The following JDP2 variants were observed in gnomAD, a reference collection of about 807,000 sequenced individuals.
JDP2 encodes the protein Jun dimerization protein 2.
In JDP2, 9 loss-of-function variants were observed where a neutral mutation model predicts 17.1. The ratio of observed to expected loss-of-function variants is 0.53; its 90% CI spans 0.32 to 0.92. The LOEUF (loss-of-function observed/expected upper bound fraction) is 0.92, where lower values mean the gene tolerates loss of function less well. JDP2 is among the 40% of genes least tolerant of loss of function. The probability of loss-of-function intolerance (pLI) is 0.04; values close to 1 mark genes in which losing one functional copy is unlikely to be tolerated. For synonymous variants in JDP2, 107 were observed against 95.6 expected (o/e 1.12, Z -0.69); for missense variants, 179 against 220.0 (o/e 0.81, Z 1.18).
chr14:75,457,038 C>G (rs1886144104), intron 2 of JDP2, among the ~76,000 whole-genome samples: 1 of 152,226 alleles, frequency 6.6e-6, no homozygotes, highest in Non-Finnish European at 1.5e-5. Context: ...AGAGCCAACA[C>G]TAAGTTTGAG....
At chr14:75,432,427 C>A in intron 1 of JDP2, 2 of 1,290,670 alleles carry the variant, frequency 1.5e-6, no homozygotes. Flanking sequence ...TGGGAATCTT[C>A]CCAGGCTCTG....
chr14:75,451,596 C>A (rs960521373), intron 2 of JDP2, among the ~76,000 whole-genome samples: 1 of 152,066 alleles, frequency 6.6e-6, no homozygotes, highest in Non-Finnish European at 1.5e-5. Context: ...GAGTAGCAGG[C>A]CAAGGATGGG....
At chr14:75,434,232 T>TCAGC (rs1382469212) in intron 1 of JDP2, among the ~76,000 whole-genome samples, 1 of 152,200 alleles carries the variant, frequency 6.6e-6, no homozygotes, top group Non-Finnish European at 1.5e-5. Context: ...CCTTAGATCG[T>TCAGC]CAGCCAGCTC....
chr14:75,430,613 G>A lies in JDP2; in HGVS notation c.-24+2361G>A, dbSNP rs896449322. Among the ~76,000 whole-genome samples the A allele has an allele frequency of 1.3e-5, 2 of 152,108 alleles. No individual in the cohort carries two copies. The highest frequency in any genetic ancestry group is 1.3e-4 in the Admixed American group (2 of 15,282). Reference sequence around the variant, plus strand: ...AGGGTCTCCTATGCCTTTGAGGAGGGTGAGAACACTGTTTTGGCTGCGTCC... The same window carrying A: ...AGGGTCTCCTATGCCTTTGAGGAGGATGAGAACACTGTTTTGGCTGCGTCC... On this transcript the variant is annotated intron_variant, in intron 1 of 3. Coordinates refer to ENST00000651602, the MANE Select transcript of JDP2 (RefSeq NM_001135048.2). This position sits in a 1 kb window ranked among gnomAD's most constrained non-coding sequence, Gnocchi z 4.5.
intron 2 of JDP2, among the ~76,000 whole-genome samples, chr14:75,452,950 C>T (rs747999532): frequency 1.3e-5 from 2 of 152,208 alleles, no homozygotes; most frequent in African/African-American, 2.4e-5. Context: ...CAAGAGATGA[C>T]GGGAGAGACA....
chr14:75,459,917 G>T (rs1017071526), intron 2 of JDP2, among the ~76,000 whole-genome samples: 1 of 152,314 alleles, frequency 6.6e-6, no homozygotes, highest in South Asian at 2.1e-4. Context: ...TGAAACCAGA[G>T]AAATCTGAGT....
chr14:75,473,573 A>G lies in JDP2; in HGVS notation c.*4098A>G, dbSNP rs1886854760. ...TTTTAAAAAGTTGAAAACAACCTAA[A>G]TGATGATCAGCATAAGAACAAATAA... On this transcript the variant is annotated 3_prime_UTR_variant, in exon 4 of 4. Transcript: ENST00000651602. 1 of 152,224 alleles carries G rather than the reference A, an allele frequency of 6.6e-6. No individual in the cohort carries two copies. Among genetic ancestry groups the G allele is most frequent in the Non-Finnish European group, 1.5e-5 (1 of 68,040 alleles). The allele number at this position is 152,224 out of a possible 1,614,324, so 9.4% of individuals were successfully genotyped here.
Position 75,428,593 on chromosome 14 carries a change from GC to G in JDP2, c.-24+342del, listed in dbSNP as rs1287700122. The G allele has an allele frequency of 2.0e-5, 3 of 152,462 alleles. No individual in the cohort carries two copies. The highest frequency in any genetic ancestry group is 6.5e-5 in the Admixed American group (1 of 15,310). The allele number at this position is 152,462 out of a possible 1,614,324, so 9.4% of individuals were successfully genotyped here. On this transcript the variant is annotated intron_variant, in intron 1 of 3. Coordinates refer to ENST00000651602, the MANE Select transcript of JDP2 (RefSeq NM_001135048.2). The surrounding 1 kb of genome is among the most constrained non-coding windows in gnomAD (Gnocchi z 5.6). ...TGCAGGGAGGTGCTCTCCTCGGGCG[GC>G]GGGGAAGGCGGGGTGAGTGGGGAGA...
At chr14:75,437,191 A>T (rs1370333859) in intron 1 of JDP2, among the ~76,000 whole-genome samples, 1 of 149,418 alleles carries the variant, frequency 6.7e-6, no homozygotes, top group Non-Finnish European at 1.5e-5. Flanking sequence ...AAAAAAAAAA[A>T]AGCATGGAGG....
At chr14:75,454,512 TG>T (rs1412015477) in intron 2 of JDP2, among the ~76,000 whole-genome samples, 1 of 152,264 alleles carries the variant, frequency 6.6e-6, no homozygotes, top group Non-Finnish European at 1.5e-5. Context: ...TGCTCAGCTC[TG>T]GTGGCTGAGT....
chr14:75,445,401 T>C (rs1594956369), intron 2 of JDP2: 1 of 985,440 alleles, frequency 1.0e-6, no homozygotes, highest in East Asian at 1.1e-4. Context: ...CAGGATCCCC[T>C]TTTACTGAGC....
At chr14:75,467,557 G>A (rs865792375) in intron 3 of JDP2, among the ~76,000 whole-genome samples, 10 of 152,194 alleles carry the variant, frequency 6.6e-5, no homozygotes, top group Non-Finnish European at 1.2e-4. Flanking sequence ...TTGAGGCAGG[G>A]GCTCAGGAGA....
intron 1 of JDP2, among the ~76,000 whole-genome samples, chr14:75,435,478 C>T (rs532416750): frequency 4.6e-5 from 7 of 152,042 alleles, no homozygotes; most frequent in Admixed American, 2.0e-4. Flanking sequence ...GAAAGCCCAC[C>T]GTGAGAAAGT....
At chr14:75,464,986 T>C (rs1886510971) in intron 3 of JDP2, among the ~76,000 whole-genome samples, 1 of 152,234 alleles carries the variant, frequency 6.6e-6, no homozygotes, top group African/African-American at 2.4e-5. Flanking sequence ...CTGGTCTTCA[T>C]AGCCACTCTC....
At chr14:75,440,352 G>C (rs557598887) in intron 2 of JDP2, among the ~76,000 whole-genome samples, 1 of 152,344 alleles carries the variant, frequency 6.6e-6, no homozygotes, top group South Asian at 2.1e-4. Flanking sequence ...CCAGGGGCGG[G>C]AAGAGCTAAT....
chr14:75,447,859 T>C (rs960150782), intron 2 of JDP2, among the ~76,000 whole-genome samples: 2 of 152,130 alleles, frequency 1.3e-5, no homozygotes, highest in Non-Finnish European at 2.9e-5. Flanking sequence ...GGTTTTGCCA[T>C]GTTGCCCAGG....
chr14:75,437,820 C>A, intron 1 of JDP2, 78 bp from the exon 2 acceptor site: 1 of 994,884 alleles, frequency 1.0e-6, no homozygotes, highest in Non-Finnish European at 1.4e-6. Context: ...AGCCACAGTC[C>A]TGGCAAGACG....
rs1884623716 is a variant in JDP2, at chr14:75,428,287, C to CGGGCA, written c.-24+39_-24+40insAGGGC. ...AGGGCGCGCGCTGGGGGCGCCGGGA[C>CGGGCA]GGGCGGGGCGGGGCAGGGCGCGGCG... On this transcript the variant is annotated intron_variant, in intron 1 of 3. Coordinates refer to ENST00000651602, the MANE Select transcript of JDP2 (RefSeq NM_001135048.2). The surrounding 1 kb of genome is among the most constrained non-coding windows in gnomAD (Gnocchi z 5.6). 2 of 146,820 alleles carry CGGGCA rather than the reference C, an allele frequency of 1.4e-5. No individual in the cohort carries two copies. The highest frequency in any genetic ancestry group is 2.4e-5 in the African/African-American group (1 of 40,866). 9.1% of individuals were successfully genotyped at this position (146,820 alleles called of 1,614,324 possible). A position where few individuals can be genotyped will look rare whatever the true frequency, so the allele number is the denominator to read the frequency against.
chr14:75,469,543 G>C lies in JDP2; in HGVS notation c.*68G>C. 6 of 1,500,274 alleles carry C rather than the reference G, an allele frequency of 4.0e-6. No individual in the cohort carries two copies. Among genetic ancestry groups the C allele is most frequent in the Non-Finnish European group, 5.4e-6 (6 of 1,108,510 alleles). The allele number at this position is 1,500,274 out of a possible 1,614,324, so 92.9% of individuals were successfully genotyped here. A position where few individuals can be genotyped will look rare whatever the true frequency, so the allele number is the denominator to read the frequency against. ...AAAAGTGACGAAGAGAGAGGAGGAGGGGGGCCCCAGATGGCCCTTCCTTTG... is the reference window on the plus strand; with the variant it reads ...AAAAGTGACGAAGAGAGAGGAGGAGCGGGGCCCCAGATGGCCCTTCCTTTG... On this transcript the variant is annotated 3_prime_UTR_variant, in exon 4 of 4. Transcript: ENST00000651602.
Sources: allele counts gnomAD v4.1 joint callset (sites outside exome capture counted in the v4.1 genomes callset), GRCh38; gene constraint gnomAD v4.1.1; non-coding constraint Gnocchi (gnomAD v3.1); transcripts MANE v1.5; gene names NCBI Gene and HGNC (gene_info 2026-07-23, HGNC 2026-07-21).